Variants in DOK6 observed in about 807,000 individuals in gnomAD.
DOK6 encodes docking protein 6.
DOK6 carries 22 observed loss-of-function variants against 44.0 expected under a neutral mutation model. That is an observed-to-expected ratio of 0.50 (90% confidence interval 0.36 to 0.71). The LOEUF is 0.71. Among genes scored for constraint, DOK6 ranks in the 30% least tolerant of loss-of-function variants. DOK6 has a pLI of 0.00. For synonymous variants in DOK6, 166 were observed against 145.5 expected (o/e 1.14, Z -1.01); for missense variants, 340 against 416.4 (o/e 0.82, Z 1.60).
At chr18:69,797,773 C>A (rs1980790636) in intron 7 of DOK6, among the ~76,000 whole-genome samples, 1 of 152,020 alleles carries the variant, frequency 6.6e-6, no homozygotes, top group Admixed American at 6.6e-5. Flanking sequence ...TATCACTAAG[C>A]CTTATATTGT....
chr18:69,677,819 C>T lies in DOK6; in HGVS notation c.375C>T (p.Asp125=), dbSNP rs772233646. ...RLNDISLGEP[D]LLAAGVQREQ... is the part of the protein sequence containing the mutation. ...ATGATATCAGCCTTGGGGAGCCCGA[C>T]CTTCTGGCCGCAGGAGTGCAGCGGG... is the stretch of plus-strand genomic sequence containing the variant. Residue 125 remains aspartate, a synonymous_variant, in exon 4 of 8, where the codon GAC becomes GAT. Coordinates refer to ENST00000382713, the MANE Select transcript of DOK6 (RefSeq NM_152721.6). 4.3e-6 allele frequency: 7 copies of T among 1,613,654 alleles called. No homozygotes were observed. Among genetic ancestry groups the T allele is most frequent in the Admixed American group, 1.7e-5 (1 of 59,990 alleles).
intron 5 of DOK6, among the ~76,000 whole-genome samples, chr18:69,736,691 A>G (rs1360303290): frequency 6.6e-6 from 1 of 152,218 alleles, no homozygotes; most frequent in Non-Finnish European, 1.5e-5. Flanking sequence ...TAAGGAAATA[A>G]TTCTTTGGGT....
chr18:69,745,717 T>TA (rs1177583168), intron 6 of DOK6, among the ~76,000 whole-genome samples: 5 of 152,196 alleles, frequency 3.3e-5, no homozygotes, highest in South Asian at 2.1e-4. Context: ...TACCTGTACT[T>TA]AAAAGGTGTT....
intron 5 of DOK6, among the ~76,000 whole-genome samples, chr18:69,712,328 T>TAAAAAAA (rs1986783925): frequency 1.2e-4 from 4 of 33,710 alleles, no homozygotes; most frequent in African/African-American, 2.4e-4. Context: ...AAAAAAAAAT[T>TAAAAAAA]TAACCTTTTC....
chr18:69,653,320 A>AAG (rs1555720375), intron 3 of DOK6, among the ~76,000 whole-genome samples: 44 of 150,878 alleles, frequency 2.9e-4, no homozygotes, highest in Admixed American at 6.6e-4. Flanking sequence ...AAAAAAAAAA[A>AAG]AAGAAGAAGA....
chr18:69,794,219 A>T (rs1980679690), intron 7 of DOK6, among the ~76,000 whole-genome samples: 1 of 152,246 alleles, frequency 6.6e-6, no homozygotes, highest in Non-Finnish European at 1.5e-5. Flanking sequence ...AAGCATCCCC[A>T]GTACTGTTCA....
intron 4 of DOK6, among the ~76,000 whole-genome samples, chr18:69,692,340 C>A (rs2144697337): frequency 6.6e-6 from 1 of 152,318 alleles, no homozygotes; most frequent in African/African-American, 2.4e-5. Flanking sequence ...GAGATACCGC[C>A]AGGGGCAAGA....
At chr18:69,502,671 A>G (rs1348996726) in intron 1 of DOK6, among the ~76,000 whole-genome samples, 1 of 152,034 alleles carries the variant, frequency 6.6e-6, no homozygotes, top group African/African-American at 2.4e-5. Context: ...CTCAAATCCC[A>G]TGTTATTTAG....
At chr18:69,523,803 A>G (rs1981753332) in intron 1 of DOK6, among the ~76,000 whole-genome samples, 1 of 151,784 alleles carries the variant, frequency 6.6e-6, no homozygotes, top group Non-Finnish European at 1.5e-5. Context: ...AATGTGTGTC[A>G]TGCTGATAAC....
intron 3 of DOK6, among the ~76,000 whole-genome samples, chr18:69,673,105 CAAT>C (rs1233698945): frequency 6.6e-6 from 1 of 152,042 alleles, no homozygotes; most frequent in African/African-American, 2.4e-5. Context: ...GAACTAGATA[CAAT>C]GATTTATTAT....
intron 1 of DOK6, among the ~76,000 whole-genome samples, chr18:69,542,713 AT>A (rs1013067815): frequency 6.6e-6 from 1 of 151,350 alleles, no homozygotes; most frequent in African/African-American, 2.4e-5. Flanking sequence ...AAGACGTTTC[AT>A]TTCAAGGGAG....
intron 2 of DOK6, among the ~76,000 whole-genome samples, chr18:69,586,698 C>A (rs985392838): frequency 2.0e-5 from 3 of 152,196 alleles, no homozygotes; most frequent in Non-Finnish European, 2.9e-5. Flanking sequence ...CTGCGGCCCC[C>A]ATCAGATAGC....
chr18:69,471,306 C>A (rs1303895341), intron 1 of DOK6, among the ~76,000 whole-genome samples: 1 of 143,490 alleles, frequency 7.0e-6, no homozygotes, highest in African/African-American at 2.6e-5. Flanking sequence ...TGAAGGGCAG[C>A]GAGGAGGCTG....
chr18:69,504,636 A>G (rs948043074), intron 1 of DOK6, among the ~76,000 whole-genome samples: 8 of 152,190 alleles, frequency 5.3e-5, no homozygotes, highest in African/African-American at 1.9e-4. Context: ...TTAGCAGTCT[A>G]TGCAAAAAGA....
chr18:69,711,900 G>C (rs1019122444), intron 5 of DOK6, among the ~76,000 whole-genome samples: 1 of 152,118 alleles, frequency 6.6e-6, no homozygotes, highest in Admixed American at 6.5e-5. Flanking sequence ...TTAGTTTTAG[G>C]TACTTGTCTT....
intron 1 of DOK6, among the ~76,000 whole-genome samples, chr18:69,460,359 C>A (rs926402341): frequency 6.6e-6 from 1 of 152,084 alleles, no homozygotes; most frequent in Non-Finnish European, 1.5e-5. Context: ...TGTACATTGA[C>A]ATGATGCAAT....
intron 1 of DOK6, among the ~76,000 whole-genome samples, chr18:69,518,222 A>G (rs921626808): frequency 1.3e-5 from 2 of 152,166 alleles, no homozygotes; most frequent in African/African-American, 4.8e-5. Flanking sequence ...ATCTACTGGT[A>G]AAATTGTAAA....
chr18:69,524,981 T>TAA (rs35522322), intron 1 of DOK6, among the ~76,000 whole-genome samples: 55,557 of 151,126 alleles, frequency 0.37, 10,856 homozygotes, highest in Non-Finnish European at 0.44. Flanking sequence ...AGATTTTCAG[T>TAA]AAAAAAACAT....
chr18:69,584,237 G>T (rs191826862), intron 2 of DOK6, among the ~76,000 whole-genome samples: 1 of 151,938 alleles, frequency 6.6e-6, no homozygotes, highest in Non-Finnish European at 1.5e-5. Flanking sequence ...TTTCATATCT[G>T]GGTTTTTTCT....
Sources: gnomAD v4.1 joint callset for allele counts (sites outside exome capture counted in the v4.1 genomes callset) on GRCh38, gnomAD v4.1.1 for gene constraint, MANE v1.5 for transcripts, NCBI Gene and HGNC (gene_info 2026-07-23, HGNC 2026-07-21) for gene names.